WWOX: variants seen among roughly 807,000 people sequenced by gnomAD.
WWOX encodes WW domain containing oxidoreductase.
A neutral mutation model predicts 46.2 loss-of-function variants in WWOX; 69 were observed. The ratio of observed to expected loss-of-function variants is 1.49; its 90% CI spans 1.23 to 1.82. The LOEUF (loss-of-function observed/expected upper bound fraction) is 1.82. Among genes scored for constraint, WWOX ranks in the 40% most tolerant of loss-of-function variants. The pLI, the probability that WWOX is intolerant of heterozygous loss-of-function variation, is 0.00. For synonymous variants in WWOX, 359 were observed against 202.6 expected, an observed-to-expected ratio of 1.77 and a Z score of -6.56; for missense variants, 919 against 542.6, an observed-to-expected ratio of 1.69 and a Z score of -6.89.
chr16:78,717,264 G>T (rs2048585971), intron 8 of WWOX, among the ~76,000 whole-genome samples: 1 of 152,166 alleles, frequency 6.6e-6, no homozygotes, highest in Admixed American at 6.5e-5. Context: ...GAAAACCATG[G>T]AATATAGAGA....
intron 8 of WWOX, among the ~76,000 whole-genome samples, chr16:78,880,231 A>G (rs1194026066): frequency 6.6e-6 from 1 of 152,212 alleles, no homozygotes; most frequent in African/African-American, 2.4e-5. Context: ...TTTCTCTCTT[A>G]TTAACATGAA....
At chr16:78,160,527 A>C (rs1347295972) in intron 4 of WWOX, among the ~76,000 whole-genome samples, 1 of 152,170 alleles carries the variant, frequency 6.6e-6, no homozygotes, top group African/African-American at 2.4e-5. Context: ...CGAGTTTAAA[A>C]TATTTCTAAC....
At chr16:79,073,327 A>G (rs1366882176) in intron 8 of WWOX, among the ~76,000 whole-genome samples, 2 of 151,896 alleles carry the variant, frequency 1.3e-5, no homozygotes, top group Admixed American at 6.6e-5. Flanking sequence ...TTACAGGTGC[A>G]CGCCGCCATG....
At chr16:79,063,344 C>T (rs2048387597) in intron 8 of WWOX, among the ~76,000 whole-genome samples, 3 of 152,156 alleles carry the variant, frequency 2.0e-5, no homozygotes, top group African/African-American at 4.8e-5. Context: ...GGAATATTTC[C>T]TGGCGTGCGT....
chr16:78,914,762 C>T (rs1017421614), intron 8 of WWOX, among the ~76,000 whole-genome samples: 1 of 151,832 alleles, frequency 6.6e-6, no homozygotes, highest in Admixed American at 6.6e-5. Context: ...GCCTGTAGTC[C>T]CAGCTACTCT....
intron 8 of WWOX, among the ~76,000 whole-genome samples, chr16:78,809,304 G>A (rs1424928209): frequency 1.6e-5 from 2 of 124,604 alleles, no homozygotes; most frequent in Non-Finnish European, 1.6e-5. Context: ...AAAGCCAATA[G>A]AGATCTTGAA....
chr16:78,744,711 C>T (rs1323558867), intron 8 of WWOX, among the ~76,000 whole-genome samples: 2 of 152,034 alleles, frequency 1.3e-5, no homozygotes, highest in Non-Finnish European at 2.9e-5. Flanking sequence ...GGATTACAGG[C>T]GTGAGCCACT....
chr16:78,405,712 C>T (rs138433557), intron 6 of WWOX, among the ~76,000 whole-genome samples: 112 of 152,266 alleles, frequency 7.4e-4, no homozygotes, highest in African/African-American at 2.5e-3. Context: ...CTTTTAGGCA[C>T]CATCTCTGTC....
At chr16:78,267,104 T>G (rs1036223002) in intron 5 of WWOX, 4 of 158,918 alleles carry the variant, frequency 2.5e-5, no homozygotes, top group Non-Finnish European at 5.5e-5. Flanking sequence ...CTGCCATGAT[T>G]CTGAGGCCTC....
chr16:78,158,784 TAA>T (rs770099919), intron 4 of WWOX, among the ~76,000 whole-genome samples: 1 of 152,206 alleles, frequency 6.6e-6, no homozygotes, highest in Non-Finnish European at 1.5e-5. Flanking sequence ...TAGAACTTGA[TAA>T]GTTTGGAGAT....
chr16:78,653,339 T>G (rs2047007013), intron 8 of WWOX, among the ~76,000 whole-genome samples: 1 of 152,228 alleles, frequency 6.6e-6, no homozygotes, highest in Non-Finnish European at 1.5e-5. Flanking sequence ...TTTTACTATT[T>G]ATTTTTGCCT....
intron 8 of WWOX, among the ~76,000 whole-genome samples, chr16:78,476,803 A>G (rs1033375590): frequency 4.1e-4 from 63 of 152,140 alleles, no homozygotes; most frequent in African/African-American, 1.5e-3. Context: ...ACAATAGGCA[A>G]TTGAGATAGG....
At chr16:78,600,184 C>T (rs993978828) in intron 8 of WWOX, among the ~76,000 whole-genome samples, 1 of 152,074 alleles carries the variant, frequency 6.6e-6, no homozygotes, top group Non-Finnish European at 1.5e-5. Context: ...GACTTGCCCT[C>T]ATGATTCAGT....
intron 8 of WWOX, among the ~76,000 whole-genome samples, chr16:78,462,884 C>A (rs1272562656): frequency 6.6e-6 from 1 of 152,184 alleles, no homozygotes; most frequent in Admixed American, 6.5e-5. Flanking sequence ...TTGCCCTGTC[C>A]TTACTGTTTC....
chr16:78,840,373 G>A (rs185031468), intron 8 of WWOX, among the ~76,000 whole-genome samples: 14 of 152,218 alleles, frequency 9.2e-5, no homozygotes, highest in African/African-American at 2.6e-4. Flanking sequence ...TAAGGCCACT[G>A]TACGTCTGTG....
At position 79,066,947 on chromosome 16, in the gene WWOX, G is replaced by A. The variant is rs1039579712; in HGVS notation, c.1057-144661G>A. 8.1e-5 allele frequency among the ~76,000 whole-genome samples: 10 copies of A among 124,138 alleles called. 1 individual carries two copies. Among genetic ancestry groups the A allele is most frequent in the African/African-American group, 2.9e-4 (10 of 34,564 alleles). The allele number at this position is 124,138 out of a possible 152,430, so 81.4% of individuals were successfully genotyped here. On this transcript the variant is annotated intron_variant, in intron 8 of 8. Transcript: ENST00000566780. ...ACTGGCAGATGGGACTGGCTTGTTG[G>A]CAGAGATGGCAGAGATGGCAGAGAT...
intron 5 of WWOX, among the ~76,000 whole-genome samples, chr16:78,284,294 G>A (rs2079733092): frequency 6.6e-6 from 1 of 152,128 alleles, no homozygotes; most frequent in African/African-American, 2.4e-5. Flanking sequence ...TTGATTGTAA[G>A]GTGGCTCCGA....
intron 8 of WWOX, among the ~76,000 whole-genome samples, chr16:78,865,493 G>A (rs2043984060): frequency 6.6e-6 from 1 of 152,152 alleles, no homozygotes; most frequent in African/African-American, 2.4e-5. Context: ...CTGAACCTCA[G>A]TTTCCTTTGC....
intron 6 of WWOX, among the ~76,000 whole-genome samples, chr16:78,419,133 A>T (rs570688710): frequency 6.6e-6 from 1 of 152,342 alleles, no homozygotes; most frequent in African/African-American, 2.4e-5. Flanking sequence ...GCGTAAGTCA[A>T]TTGTATTTCT....
Sources: gnomAD v4.1 joint callset for allele counts (sites outside exome capture counted in the v4.1 genomes callset) on GRCh38, gnomAD v4.1.1 for gene constraint, MANE v1.5 for transcripts, NCBI Gene and HGNC (gene_info 2026-07-23, HGNC 2026-07-21) for gene names.